Variants in POLR1F observed in about 807,000 individuals in gnomAD.
POLR1F encodes RNA polymerase I subunit F, also known as DNA-directed RNA polymerase I subunit RPA43.
Under a neutral mutation model 21.8 loss-of-function variants are expected in POLR1F, and 23 were observed. The ratio of observed to expected loss-of-function variants is 1.05; its 90% CI spans 0.76 to 1.49. The LOEUF is 1.49. Ranked by LOEUF, POLR1F falls within the 40% of genes most tolerant of loss-of-function variation. The probability of loss-of-function intolerance (pLI) is 0.00; values close to 1 mark genes in which losing one functional copy is unlikely to be tolerated. For missense variants in POLR1F, 435 were observed against 412.1 expected, an observed-to-expected ratio of 1.06 and a Z score of -0.48; for synonymous variants, 162 against 152.8, an observed-to-expected ratio of 1.06 and a Z score of -0.45.
intron 3 of POLR1F, among the ~76,000 whole-genome samples, chr7:19,699,696 A>AT (rs1263011263): frequency 3.3e-5 from 5 of 152,154 alleles, no homozygotes; most frequent in African/African-American, 9.7e-5. Context: ...AATCAACACA[A>AT]TTTTTTGTGT....
Position 19,696,379 on chromosome 7 carries a change from A to C in POLR1F, c.*1937T>G, listed in dbSNP as rs1336211272. On this transcript the variant is annotated 3_prime_UTR_variant, in exon 4 of 4. Transcript: ENST00000222567. Reference sequence around the variant, plus strand: ...ACTGGCAGAAGTATTACTTGAAGCAAAACAAAAGTAACGTGGGAACTTGCT... The same window carrying C: ...ACTGGCAGAAGTATTACTTGAAGCACAACAAAAGTAACGTGGGAACTTGCT... The C allele has an allele frequency of 1.3e-5, 2 of 152,122 alleles. No individual in the cohort carries two copies. Among genetic ancestry groups the C allele is most frequent in the Non-Finnish European group, 2.9e-5 (2 of 67,956 alleles). The allele number at this position is 152,122 out of a possible 1,614,324, so 9.4% of individuals were successfully genotyped here.
intron 3 of POLR1F, 46 bp from the exon 4 acceptor site, chr7:19,698,773 A>T (rs757393431): frequency 3.5e-6 from 5 of 1,449,070 alleles, no homozygotes; most frequent in Non-Finnish European, 4.6e-6. Flanking sequence ...TAAGCAAAAA[A>T]CAAAGAACAA....
rs1471084548 is a variant in POLR1F at position 19,695,598 on chromosome 7, G to C, written c.*2718C>G. 6.6e-6 allele frequency: 1 copy of C among 152,064 alleles called. No individual in the cohort carries two copies. Among genetic ancestry groups the C allele is most frequent in the Admixed American group, 6.5e-5 (1 of 15,274 alleles). The allele number at this position is 152,064 out of a possible 1,614,324, so 9.4% of individuals were successfully genotyped here. On this transcript the variant is annotated 3_prime_UTR_variant, in exon 4 of 4. Transcript: ENST00000222567. ...GCCCTCAGGAAACTTATTTGGTCAA[G>C]ACAAATTTGATTAAGAGACAAGCTT...
intron 2 of POLR1F, among the ~76,000 whole-genome samples, chr7:19,703,296 A>G (rs1005013210): frequency 7.2e-5 from 11 of 152,232 alleles, no homozygotes; most frequent in African/African-American, 1.9e-4. Flanking sequence ...AAGAGTAATT[A>G]TATCTGCAAT....
At position 19,708,973 on chromosome 7, in the gene POLR1F, G is replaced by A. The variant is rs754058427; in HGVS notation, c.44C>T (p.Ser15Phe). The A allele has an allele frequency of 1.0e-5, 16 of 1,599,498 alleles. No homozygotes were observed. Among genetic ancestry groups the A allele is most frequent in the Non-Finnish European group, 7.7e-6 (9 of 1,171,118 alleles). The change falls in exon 1 of 4, where the codon TCT (serine) becomes TTT (phenylalanine). Residue 15 changes from serine (S) to phenylalanine (F), a missense_variant. Coordinates refer to ENST00000222567, the MANE Select transcript of POLR1F (RefSeq NM_001002926.2). Reference sequence around the variant, plus strand: ...AGCCTGCCCTACCAGAGACCCATCAGAAGCCGCCGCTGGCCGCGGCGCCTC... The same window carrying A: ...AGCCTGCCCTACCAGAGACCCATCAAAAGCCGCCGCTGGCCGCGGCGCCTC... ...CSEAPRPAAA[S>F]DGSLVGQAGV...
chr7:19,701,301 A>T (rs1182264533), intron 2 of POLR1F, among the ~76,000 whole-genome samples: 1 of 152,178 alleles, frequency 6.6e-6, no homozygotes, highest in African/African-American at 2.4e-5. Flanking sequence ...AAGGATACAT[A>T]CTCTATTCTT....
In POLR1F at chr7:19,701,775, G is replaced by A. The variant is rs115267560; in HGVS notation, c.397-1495C>T. On this transcript the variant is annotated intron_variant, in intron 2 of 3. Transcript: ENST00000222567. ...ATTTACTTTAAACCTCGGTACCTGA[G>A]CTTTAATCATTCATAGAACTACTCA... 5.2e-3 allele frequency among the ~76,000 whole-genome samples: 794 copies of A among 152,228 alleles called. 8 individuals carry two copies. The highest frequency in any genetic ancestry group is 0.018 in the African/African-American group (768 of 41,520).
rs575189755 is a variant in POLR1F, at chr7:19,695,879, A to G, written c.*2437T>C. The G allele has an allele frequency of 2.0e-5, 3 of 152,270 alleles. No individual in the cohort carries two copies. Among genetic ancestry groups the G allele is most frequent in the Admixed American group, 2.0e-4 (3 of 15,298 alleles). The allele number at this position is 152,270 out of a possible 1,614,324, so 9.4% of individuals were successfully genotyped here. A position where few individuals can be genotyped will look rare whatever the true frequency, so the allele number is the denominator to read the frequency against. ...TGCTCTTCCAACAACAAGCTTAAAC[A>G]CTAAACGTAAAGCATTAAACATTCA... is the stretch of plus-strand genomic sequence containing the variant. On this transcript the variant is annotated 3_prime_UTR_variant, in exon 4 of 4. Coordinates refer to ENST00000222567, the MANE Select transcript of POLR1F (RefSeq NM_001002926.2).
At chr7:19,700,302 G>C (rs371481944) in intron 2 of POLR1F, 22 bp from the exon 3 acceptor site, 3 of 1,589,106 alleles carry the variant, frequency 1.9e-6, no homozygotes, top group East Asian at 2.2e-5. Flanking sequence ...AAGGAAGAAA[G>C]AGCGTAACAT....
In POLR1F at chr7:19,697,031, A is replaced by T. The variant is rs996838659; in HGVS notation, c.*1285T>A. 1 of 152,120 alleles carries T rather than the reference A, an allele frequency of 6.6e-6. No individual in the cohort carries two copies. Among genetic ancestry groups the T allele is most frequent in the Admixed American group, 6.6e-5 (1 of 15,266 alleles). The allele number at this position is 152,120 out of a possible 1,614,324, so 9.4% of individuals were successfully genotyped here. On this transcript the variant is annotated 3_prime_UTR_variant, in exon 4 of 4. Coordinates refer to ENST00000222567, the MANE Select transcript of POLR1F (RefSeq NM_001002926.2). ...CCCATCATTGTAAGTTCAGATCAAC[A>T]TATACCACTAGCAGAATTTATTCAT...
In POLR1F at chr7:19,695,478, CTTTT is replaced by C. The variant is rs1783347318; in HGVS notation, c.*2834_*2837del. Reference sequence around the variant, plus strand: ...CCAAGTGATACCATTTGAAACTGTGCTTTTTATTTATCAATTTAAAATTATCTGT... The same window carrying C: ...CCAAGTGATACCATTTGAAACTGTGCTATTTATCAATTTAAAATTATCTGT... On this transcript the variant is annotated 3_prime_UTR_variant, in exon 4 of 4. Transcript: ENST00000222567. 6.6e-6 allele frequency: 1 copy of C among 151,026 alleles called. No homozygotes were observed. The highest frequency in any genetic ancestry group is 1.5e-5 in the Non-Finnish European group (1 of 67,790). The allele number at this position is 151,026 out of a possible 1,614,324, so 9.4% of individuals were successfully genotyped here.
chr7:19,700,045 G>C lies in POLR1F; in HGVS notation c.605+27C>G, dbSNP rs749619245. 3.2e-6 allele frequency: 5 copies of C among 1,552,940 alleles called. No homozygotes were observed. In the African/African-American group the frequency reaches 6.8e-5, roughly 21 times the overall value. On this transcript the variant is annotated intron_variant, in intron 3 of 3. Coordinates refer to ENST00000222567, the MANE Select transcript of POLR1F (RefSeq NM_001002926.2). ...GAATTAAATAGAAATTAAGTACCTA[G>C]TGATAATTACGTAATGATAAACTAA... is the stretch of plus-strand genomic sequence containing the variant.
In POLR1F at chr7:19,701,614, C is replaced by T. The variant is rs146904983; in HGVS notation, c.397-1334G>A. ...ACAGGCCGAAGACAGCCGGTTCTTA[C>T]CTTAGAGCATTAAGTTACAGAGTAA... On this transcript the variant is annotated intron_variant, in intron 2 of 3. Transcript: ENST00000222567. Among the ~76,000 whole-genome samples, 312 of 152,230 alleles carry T rather than the reference C, an allele frequency of 2.0e-3. 1 individual carries two copies. The highest frequency in any genetic ancestry group is 7.1e-3 in the African/African-American group (294 of 41,526).
chr7:19,708,775 C>A lies in POLR1F; in HGVS notation c.242G>T (p.Arg81Leu). ...IREQLDAELL[R>L]YSESLLGVPI... Reference sequence around the variant, plus strand: ...AAGAGATCGGTACCTCTCAGAATAGCGAAGGAGCTCCGCATCAAGCTGTTC... The same window carrying A: ...AAGAGATCGGTACCTCTCAGAATAGAGAAGGAGCTCCGCATCAAGCTGTTC... Residue 81 changes from arginine (R) to leucine (L), a missense_variant, in exon 1 of 4, where the codon CGC (arginine) becomes CTC (leucine). Physicochemically the swap from Arg to Leu is moderately radical, Grantham distance 102. Transcript: ENST00000222567. 1 of 1,611,978 alleles carries A rather than the reference C, an allele frequency of 6.2e-7. No homozygotes were observed. The highest frequency in any genetic ancestry group is 8.5e-7 in the Non-Finnish European group (1 of 1,178,206).
intron 1 of POLR1F, 106 bp from the exon 2 acceptor site, chr7:19,705,026 T>C: frequency 8.7e-7 from 1 of 1,148,818 alleles, no homozygotes. Context: ...TGCAGTGACA[T>C]CAACAGGGCT....
intron 1 of POLR1F, among the ~76,000 whole-genome samples, chr7:19,705,920 G>C (rs1783517540): frequency 1.3e-5 from 2 of 152,090 alleles, no homozygotes; most frequent in Admixed American, 6.5e-5. Flanking sequence ...ACTTGTTGGA[G>C]AAAACTTCCC....
At position 19,708,998 on chromosome 7, in the gene POLR1F, C is replaced by A; in HGVS notation, c.19G>T (p.Glu7Ter). Reference sequence around the variant, plus strand: ...GAAGCCGCCGCTGGCCGCGGCGCCTCTGAGCAACCTGCAGCCATGCTGCTT... The same window carrying A: ...GAAGCCGCCGCTGGCCGCGGCGCCTATGAGCAACCTGCAGCCATGCTGCTT... MAAGCSEAPRPAAASDG... is the reference protein window; with the variant it reads MAAGCS Residue 7 changes from glutamate to a stop codon, truncating the protein, a stop_gained, in exon 1 of 4, where the codon GAG (glutamate) becomes TAG (stop). Transcript: ENST00000222567. LOFTEE classifies it high-confidence loss of function. The A allele has an allele frequency of 1.9e-6, 3 of 1,590,470 alleles. No individual in the cohort carries two copies. The highest frequency in any genetic ancestry group is 2.6e-6 in the Non-Finnish European group (3 of 1,167,664).
chr7:19,707,872 T>C (rs1452317431), intron 1 of POLR1F, among the ~76,000 whole-genome samples: 1 of 152,052 alleles, frequency 6.6e-6, no homozygotes, highest in Admixed American at 6.5e-5. Flanking sequence ...TGGGTGGAGG[T>C]CCAGGATCCC....
At chr7:19,707,760 A>T (rs929601702) in intron 1 of POLR1F, among the ~76,000 whole-genome samples, 1 of 152,066 alleles carries the variant, frequency 6.6e-6, no homozygotes, top group Non-Finnish European at 1.5e-5. Flanking sequence ...TCCTTGAAAC[A>T]GAGATTTTAT....
Sources: allele counts gnomAD v4.1 joint callset (sites outside exome capture counted in the v4.1 genomes callset), GRCh38; gene constraint gnomAD v4.1.1; transcripts MANE v1.5; gene names NCBI Gene and HGNC (gene_info 2026-07-23, HGNC 2026-07-21).